Variants in MYT1L observed in about 807,000 individuals in gnomAD.
MYT1L encodes the protein myelin transcription factor 1-like protein.
In MYT1L, 12 loss-of-function variants were observed where a neutral mutation model predicts 126.7. The observed-to-expected ratio is 0.09, with a 90% confidence interval of 0.06 to 0.15. The LOEUF (loss-of-function observed/expected upper bound fraction) is 0.15, where lower values mean the gene tolerates loss of function less well. Ranked by LOEUF, MYT1L falls within the 10% of genes least tolerant of loss-of-function variation. The pLI is 1.00. For synonymous variants in MYT1L, 541 were observed against 604.2 expected, an observed-to-expected ratio of 0.90 and a Z score of 1.53; for missense variants, 979 against 1,585.2, an observed-to-expected ratio of 0.62 and a Z score of 6.49.
At chr2:1,944,560 G>T (rs932821624) in intron 8 of MYT1L, among the ~76,000 whole-genome samples, 2 of 151,982 alleles carry the variant, frequency 1.3e-5, no homozygotes, top group African/African-American at 4.8e-5. Context: ...TCTGCAGGGG[G>T]GCTCCTGCAC....
chr2:2,114,529 T>C (rs1289133540), intron 3 of MYT1L, among the ~76,000 whole-genome samples: 1 of 152,248 alleles, frequency 6.6e-6, no homozygotes, highest in Non-Finnish European at 1.5e-5. Context: ...TTCATGATAT[T>C]TGCCACACTT....
rs761864423 is a variant in MYT1L at position 1,923,053 on chromosome 2, T to C, written c.716A>G (p.Lys239Arg). Residue 239 changes from lysine (K) to arginine (R), a missense_variant, in exon 10 of 25, where the codon AAA becomes AGA. Physicochemically the swap from Lys to Arg is conservative, Grantham distance 26. Coordinates refer to ENST00000647738, the MANE Select transcript of MYT1L (RefSeq NM_001303052.2). ...ACTTTTCCGACCCAGGTTTTCGTTTTTGTCACTATCGTCTTCCAGACTATT... is the reference window on the plus strand; with the variant it reads ...ACTTTTCCGACCCAGGTTTTCGTTTCTGTCACTATCGTCTTCCAGACTATT... ...TSNSLEDDSD[K>R]NENLGRKSEL... 2.4e-5 allele frequency: 39 copies of C among 1,614,038 alleles called. No homozygotes were observed. The highest frequency in any genetic ancestry group is 3.3e-5 in the Non-Finnish European group (39 of 1,179,902).
intron 3 of MYT1L, among the ~76,000 whole-genome samples, chr2:2,167,605 G>A (rs931832487): frequency 1.3e-5 from 2 of 152,060 alleles, no homozygotes; most frequent in South Asian, 2.1e-4. Context: ...CTTCCCTCCC[G>A]CTTCCCGCTC....
Position 2,283,399 on chromosome 2 carries a change from G to A in MYT1L, c.-421+1005C>T, listed in dbSNP as rs140396290. On this transcript the variant is annotated intron_variant, in intron 2 of 24. Transcript: ENST00000647738. ...GCAGTTTGACGTTAATGCAAAGAAC[G>A]ACATTGAGAGGATAAGTTTCTAAAG... Among the ~76,000 whole-genome samples the A allele has an allele frequency of 3.0e-4, 45 of 152,284 alleles. No individual in the cohort carries two copies. The East Asian group carries it at 6.0e-3, about 20-fold the overall frequency.
intron 9 of MYT1L, among the ~76,000 whole-genome samples, chr2:1,926,319 T>C (rs1435035829): frequency 6.6e-6 from 1 of 152,192 alleles, no homozygotes; most frequent in African/African-American, 2.4e-5. Context: ...CTGCTGGGCA[T>C]CAGCCTCATC....
chr2:1,813,161 G>A (rs1021095541), intron 21 of MYT1L, among the ~76,000 whole-genome samples: 3 of 152,200 alleles, frequency 2.0e-5, no homozygotes, highest in Non-Finnish European at 4.4e-5. Flanking sequence ...TGGCATTGAG[G>A]GGCCAGGAGC....
chr2:1,845,252 G>T (rs1414698541), intron 19 of MYT1L, among the ~76,000 whole-genome samples: 1 of 152,108 alleles, frequency 6.6e-6, no homozygotes, highest in Admixed American at 6.5e-5. Flanking sequence ...GGGATTACAG[G>T]CGTGAGCTAC....
intron 5 of MYT1L, among the ~76,000 whole-genome samples, chr2:1,980,270 AAAT>A (rs1453485849): frequency 2.0e-5 from 3 of 147,694 alleles, no homozygotes; most frequent in Non-Finnish European, 4.5e-5. Flanking sequence ...AGGAGAATCT[AAAT>A]ATTATATATA....
intron 9 of MYT1L, among the ~76,000 whole-genome samples, chr2:1,941,588 C>G (rs10439522): frequency 0.21 from 32,651 of 152,094 alleles, 3,594 homozygotes; most frequent in East Asian, 0.31. Flanking sequence ...GATAGGTGTT[C>G]TGATAGGCCT....
chr2:2,141,276 C>T (rs2083934843), intron 3 of MYT1L, among the ~76,000 whole-genome samples: 1 of 152,212 alleles, frequency 6.6e-6, no homozygotes, highest in Non-Finnish European at 1.5e-5. Flanking sequence ...CCTTTATAAT[C>T]TGCCTTTCCA....
At chr2:2,199,647 T>C (rs1175647224) in intron 2 of MYT1L, among the ~76,000 whole-genome samples, 1 of 152,194 alleles carries the variant, frequency 6.6e-6, no homozygotes, top group Non-Finnish European at 1.5e-5. Flanking sequence ...GGCTGTGTGT[T>C]CTGCAGTTAG....
chr2:1,996,861 G>T (rs1479954479), intron 5 of MYT1L, among the ~76,000 whole-genome samples: 2 of 147,722 alleles, frequency 1.4e-5, no homozygotes, highest in South Asian at 2.2e-4. Flanking sequence ...TACCTAGTGA[G>T]TGAGGGCCGC....
At chr2:2,271,697 G>A (rs1482635518) in intron 2 of MYT1L, among the ~76,000 whole-genome samples, 1 of 152,132 alleles carries the variant, frequency 6.6e-6, no homozygotes, top group Non-Finnish European at 1.5e-5. Flanking sequence ...TTCTAGCGAG[G>A]GCCTGCATCC....
At chr2:2,310,131 C>T (rs2095938807) in intron 1 of MYT1L, among the ~76,000 whole-genome samples, 1 of 151,956 alleles carries the variant, frequency 6.6e-6, no homozygotes, top group Non-Finnish European at 1.5e-5. Flanking sequence ...ATTCCACTTA[C>T]ACTTCAGTTT....
intron 4 of MYT1L, among the ~76,000 whole-genome samples, chr2:2,004,205 G>GC (rs1393505618): frequency 2.7e-5 from 4 of 148,038 alleles, no homozygotes; most frequent in Admixed American, 6.7e-5. Context: ...GTTCTTTCCT[G>GC]AATGTGTTCT....
At chr2:2,103,730 T>C (rs2078395561) in intron 3 of MYT1L, among the ~76,000 whole-genome samples, 2 of 152,232 alleles carry the variant, frequency 1.3e-5, no homozygotes, top group African/African-American at 4.8e-5. Flanking sequence ...TTCTCACTTA[T>C]GCCCTGGGAT....
At chr2:2,043,524 C>T (rs971708556) in intron 4 of MYT1L, among the ~76,000 whole-genome samples, 1 of 152,172 alleles carries the variant, frequency 6.6e-6, no homozygotes, top group Non-Finnish European at 1.5e-5. Flanking sequence ...TGGGACAGTC[C>T]CGGCCACAAC....
chr2:2,223,657 G>A (rs1372213248), intron 2 of MYT1L, among the ~76,000 whole-genome samples: 1 of 151,988 alleles, frequency 6.6e-6, no homozygotes, highest in Admixed American at 6.5e-5. Flanking sequence ...AGACTTTATA[G>A]GCCAATTTTT....
At chr2:2,005,282 T>C (rs1455337267) in intron 4 of MYT1L, among the ~76,000 whole-genome samples, 1 of 148,868 alleles carries the variant, frequency 6.7e-6, no homozygotes, top group African/African-American at 2.5e-5. Context: ...CTGTGTGCCT[T>C]CTTTCCTGCA....
Sources: allele counts gnomAD v4.1 joint callset (sites outside exome capture counted in the v4.1 genomes callset), GRCh38; gene constraint gnomAD v4.1.1; transcripts MANE v1.5; gene names NCBI Gene and HGNC (gene_info 2026-07-23, HGNC 2026-07-21).